MYO16: variants seen among roughly 807,000 people sequenced by gnomAD.
MYO16 encodes the protein myosin XVI.
A neutral mutation model predicts 205.3 loss-of-function variants in MYO16; 94 were observed. The ratio of observed to expected loss-of-function variants is 0.46; its 90% CI spans 0.39 to 0.54. The LOEUF is 0.54. Among genes scored for constraint, MYO16 ranks in the 20% least tolerant of loss-of-function variants. The pLI is 0.00. For synonymous variants in MYO16, 988 were observed against 954.0 expected (o/e 1.04, Z -0.66); for missense variants, 2,315 against 2,387.5 (o/e 0.97, Z 0.63).
intron 27 of MYO16, among the ~76,000 whole-genome samples, chr13:109,069,745 C>G (rs139994541): frequency 6.6e-6 from 1 of 152,184 alleles, no homozygotes; most frequent in African/African-American, 2.4e-5. Context: ...CCCTTATGAC[C>G]TAATTTAGCC....
At chr13:108,727,368 T>A in intron 3 of MYO16, 72 bp from the exon 4 acceptor site, 1 of 1,490,132 alleles carries the variant, frequency 6.7e-7, no homozygotes, top group African/African-American at 1.4e-5. Flanking sequence ...TTTTTTTAAA[T>A]CTGTGGACAT....
At chr13:108,640,786 C>A (rs763393622) in intron 1 of MYO16, among the ~76,000 whole-genome samples, 1 of 152,122 alleles carries the variant, frequency 6.6e-6, no homozygotes, top group Non-Finnish European at 1.5e-5. Flanking sequence ...ATAACGGTAA[C>A]GACAACCATA....
At chr13:109,152,870 A>C (rs1415264360) in intron 32 of MYO16, among the ~76,000 whole-genome samples, 5 of 152,224 alleles carry the variant, frequency 3.3e-5, no homozygotes, top group Non-Finnish European at 7.3e-5. Context: ...AAGGTTTCGG[A>C]AAAATCACTA....
At chr13:108,679,766 GTAA>G (rs1882384917) in intron 2 of MYO16, among the ~76,000 whole-genome samples, 1 of 151,182 alleles carries the variant, frequency 6.6e-6, no homozygotes, top group Non-Finnish European at 1.5e-5. Flanking sequence ...AAAAAATCTT[GTAA>G]TAATGCTTAG....
intron 14 of MYO16, among the ~76,000 whole-genome samples, chr13:108,897,012 A>G (rs1880449151): frequency 6.6e-6 from 1 of 152,016 alleles, no homozygotes. Context: ...TAAAATAAAA[A>G]GTAAATTTTT....
chr13:108,521,847 A>G, the MYO16 span, among the ~76,000 whole-genome samples: 19 of 152,206 alleles, frequency 1.2e-4, no homozygotes, highest in African/African-American at 4.3e-4. Context: ...TATTTTGTAT[A>G]CGTTTTATAC....
intron 12 of MYO16, among the ~76,000 whole-genome samples, chr13:108,881,883 T>C (rs1001310159): frequency 1.3e-5 from 2 of 152,170 alleles, no homozygotes; most frequent in African/African-American, 4.8e-5. Context: ...CAGGATATTA[T>C]CCAGGAGAAC....
intron 27 of MYO16, among the ~76,000 whole-genome samples, chr13:109,062,544 T>G (rs903981325): frequency 4.6e-5 from 7 of 152,180 alleles, no homozygotes; most frequent in Non-Finnish European, 1.0e-4. Flanking sequence ...TGTAATGGCA[T>G]ATCAGTGGAA....
chr13:108,886,770 G>A (rs1018096349), intron 13 of MYO16, among the ~76,000 whole-genome samples: 11 of 151,984 alleles, frequency 7.2e-5, no homozygotes, highest in African/African-American at 1.5e-4. Flanking sequence ...GGGGCGGGTC[G>A]GAGCTTCTCG....
intron 9 of MYO16, among the ~76,000 whole-genome samples, chr13:108,838,940 G>A (rs1244996758): frequency 6.6e-6 from 1 of 152,036 alleles, no homozygotes; most frequent in Non-Finnish European, 1.5e-5. Context: ...CTCTTTGGAA[G>A]TAATATTTTA....
intron 2 of MYO16, among the ~76,000 whole-genome samples, chr13:108,682,406 G>A (rs983847587): frequency 2.6e-5 from 4 of 151,560 alleles, no homozygotes; most frequent in Non-Finnish European, 5.9e-5. Context: ...CTTCAATCAC[G>A]GGCTGCATGG....
intron 33 of MYO16, among the ~76,000 whole-genome samples, chr13:109,165,721 G>A (rs952443969): frequency 5.9e-5 from 9 of 152,156 alleles, no homozygotes; most frequent in South Asian, 2.1e-4. Flanking sequence ...AAGGTGAGCC[G>A]AAGCAAGGAA....
intron 7 of MYO16, among the ~76,000 whole-genome samples, chr13:108,819,071 G>A (rs952796872): frequency 6.6e-6 from 1 of 152,182 alleles, no homozygotes; most frequent in Admixed American, 6.5e-5. Flanking sequence ...TCACTTTGAT[G>A]CTGTCCAAAC....
chr13:108,574,447 A>T, the MYO16 span, among the ~76,000 whole-genome samples: 1 of 152,146 alleles, frequency 6.6e-6, no homozygotes, highest in Non-Finnish European at 1.5e-5. Context: ...CATGAAATAA[A>T]TTTTAAAATA....
intron 16 of MYO16, among the ~76,000 whole-genome samples, chr13:108,951,979 G>A (rs565057478): frequency 6.6e-5 from 10 of 152,072 alleles, no homozygotes; most frequent in Admixed American, 2.6e-4. Flanking sequence ...GGTGGTGGGC[G>A]CCTGTAGTCC....
chr13:108,525,941 AT>A, the MYO16 span, among the ~76,000 whole-genome samples: 4 of 145,592 alleles, frequency 2.7e-5, no homozygotes, highest in Admixed American at 6.9e-5. Flanking sequence ...CCTAGGTCTG[AT>A]TTTTTTTTTT....
chr13:108,548,272 G>A, the MYO16 span, among the ~76,000 whole-genome samples: 4 of 151,270 alleles, frequency 2.6e-5, no homozygotes, highest in Non-Finnish European at 4.4e-5. Context: ...TGAGAGTTAG[G>A]ATGATGATGC....
chr13:108,700,353 AG>A (rs1883257643), intron 2 of MYO16, among the ~76,000 whole-genome samples: 30 of 117,234 alleles, frequency 2.6e-4, no homozygotes, highest in African/African-American at 6.8e-4. Flanking sequence ...AAAAAAAAGA[AG>A]AAGAAGAAGA....
At chr13:108,594,919 G>A (rs149725011), upstream of MYO16, among the ~76,000 whole-genome samples, 365 of 152,292 alleles carry the variant, frequency 2.4e-3, 2 homozygotes, top group African/African-American at 8.3e-3. Flanking sequence ...GATTCACAGA[G>A]GCTGAGGGAG....
Sources: gnomAD v4.1 joint callset for allele counts (sites outside exome capture counted in the v4.1 genomes callset) on GRCh38, gnomAD v4.1.1 for gene constraint, MANE v1.5 for transcripts, NCBI Gene and HGNC (gene_info 2026-07-23, HGNC 2026-07-21) for gene names.